Variants in DAPP1 observed in about 807,000 individuals in gnomAD.
DAPP1 encodes dual adapter for phosphotyrosine and 3-phosphotyrosine and 3-phosphoinositide.
DAPP1 carries 20 observed loss-of-function variants against 41.5 expected under a neutral mutation model. That is an observed-to-expected ratio of 0.48 (90% CI 0.34 to 0.70). The LOEUF is 0.70. DAPP1 is among the 30% of genes least tolerant of loss of function. The pLI, the probability that DAPP1 is intolerant of heterozygous loss-of-function variation, is 0.01. For missense variants in DAPP1, 233 were observed against 333.4 expected, an observed-to-expected ratio of 0.70 and a Z score of 2.35; for synonymous variants, 113 against 116.2, an observed-to-expected ratio of 0.97 and a Z score of 0.18.
intron 2 of DAPP1, among the ~76,000 whole-genome samples, chr4:99,838,103 G>A (rs1723363216): frequency 2.0e-5 from 3 of 152,118 alleles, no homozygotes; most frequent in African/African-American, 7.2e-5. Context: ...GGCTGGCAGG[G>A]GGATGGATGG....
chr4:99,855,047 A>G (rs2110160281), intron 4 of DAPP1, among the ~76,000 whole-genome samples: 1 of 152,350 alleles, frequency 6.6e-6, no homozygotes, highest in East Asian at 1.9e-4. Context: ...CTTTGTTAGA[A>G]GTGGGGGAGA....
chr4:99,825,959 A>G (rs1169899179), intron 1 of DAPP1, among the ~76,000 whole-genome samples: 1 of 152,230 alleles, frequency 6.6e-6, no homozygotes, highest in African/African-American at 2.4e-5. Context: ...TTCTAATGGC[A>G]TAGAGGGCCA....
chr4:99,839,814 C>A (rs1237999721), intron 2 of DAPP1, among the ~76,000 whole-genome samples: 2 of 152,206 alleles, frequency 1.3e-5, no homozygotes, highest in African/African-American at 4.8e-5. Context: ...GTAATCTCAA[C>A]ACTTTGGGAA....
At chr4:99,854,549 C>T (rs1220097790) in intron 4 of DAPP1, among the ~76,000 whole-genome samples, 1 of 152,186 alleles carries the variant, frequency 6.6e-6, no homozygotes, top group South Asian at 2.1e-4. Flanking sequence ...GCTTTACATC[C>T]TTTGGTGATG....
At chr4:99,853,373 A>T (rs1038860181) in intron 4 of DAPP1, 25 bp downstream of exon 4, 5 of 1,593,432 alleles carry the variant, frequency 3.1e-6, no homozygotes, top group Non-Finnish European at 4.3e-6. Flanking sequence ...ACGTGACCAC[A>T]AGCTCTCTCC....
downstream of DAPP1, among the ~76,000 whole-genome samples, chr4:99,871,190 GAGA>G (rs1159311660): frequency 6.6e-6 from 1 of 152,120 alleles, no homozygotes; most frequent in African/African-American, 2.4e-5. Flanking sequence ...CAGAAAGCAA[GAGA>G]ACTACTGTAA....
At chr4:99,860,283 G>T (rs1238293928) in intron 4 of DAPP1, among the ~76,000 whole-genome samples, 1 of 152,150 alleles carries the variant, frequency 6.6e-6, no homozygotes, top group Non-Finnish European at 1.5e-5. Flanking sequence ...TTTGGGTGGA[G>T]GTAAGATGGG....
intron 3 of DAPP1, among the ~76,000 whole-genome samples, chr4:99,842,852 C>CTT (rs1297681743): frequency 0.046 from 6,293 of 137,598 alleles, 209 homozygotes; most frequent in Middle Eastern, 0.12. Flanking sequence ...ATATTTCTTT[C>CTT]TTTTTTTTTT....
chr4:99,829,806 G>A (rs1326712827), intron 1 of DAPP1, among the ~76,000 whole-genome samples: 2 of 151,756 alleles, frequency 1.3e-5, no homozygotes, highest in East Asian at 3.9e-4. Flanking sequence ...TACATGAAGA[G>A]ACAATCAAAT....
chr4:99,817,138 A>AT (rs1258785514), intron 1 of DAPP1, 124 bp downstream of exon 1: 4 of 614,950 alleles, frequency 6.5e-6, no homozygotes, highest in South Asian at 5.0e-5. Context: ...TCAACCATTT[A>AT]TTTTTTTCCA....
intron 4 of DAPP1, among the ~76,000 whole-genome samples, chr4:99,855,805 C>T (rs1724025713): frequency 6.6e-6 from 1 of 152,176 alleles, no homozygotes. Flanking sequence ...CATGATGCTG[C>T]ACCTCCATCT....
chr4:99,858,334 A>G (rs1055451244), intron 4 of DAPP1, among the ~76,000 whole-genome samples: 1 of 152,120 alleles, frequency 6.6e-6, no homozygotes, highest in Admixed American at 6.5e-5. Context: ...TAGTTTCCCA[A>G]CTTTGGTTTA....
intron 3 of DAPP1, among the ~76,000 whole-genome samples, chr4:99,852,260 C>T (rs1723888960): frequency 6.6e-6 from 1 of 152,170 alleles, no homozygotes; most frequent in African/African-American, 2.4e-5. Context: ...GAATTCTTTA[C>T]ATCTCTTCCA....
At chr4:99,864,778 A>G (rs1721655608) in intron 7 of DAPP1, 1 of 152,188 alleles carries the variant, frequency 6.6e-6, no homozygotes, top group Non-Finnish European at 1.5e-5. Context: ...TGTAGGTCTC[A>G]TATTTTCAAC....
Position 99,869,658 on chromosome 4 carries a change from G to A in DAPP1, c.*1473G>A, listed in dbSNP as rs1201358322. Reference sequence around the variant, plus strand: ...AAGTAAGAAGTTACTGGCCAGGAGCGGCGGCTCATGCCTGTAATCCCAGGA... The same window carrying A: ...AAGTAAGAAGTTACTGGCCAGGAGCAGCGGCTCATGCCTGTAATCCCAGGA... On this transcript the variant is annotated 3_prime_UTR_variant, in exon 9 of 9. Transcript: ENST00000512369. 1.3e-5 allele frequency: 2 copies of A among 152,162 alleles called. No individual in the cohort carries two copies. Among genetic ancestry groups the A allele is most frequent in the African/African-American group, 4.8e-5 (2 of 41,442 alleles). 9.4% of individuals were successfully genotyped at this position (152,162 alleles called of 1,614,324 possible).
intron 1 of DAPP1, among the ~76,000 whole-genome samples, chr4:99,829,415 G>A (rs1723046113): frequency 2.0e-5 from 3 of 151,320 alleles, no homozygotes; most frequent in Admixed American, 2.0e-4. Flanking sequence ...GGGAGGTGGA[G>A]GTTGCAGTGA....
At chr4:99,859,438 A>G (rs982913417) in intron 4 of DAPP1, among the ~76,000 whole-genome samples, 1 of 152,162 alleles carries the variant, frequency 6.6e-6, no homozygotes, top group African/African-American at 2.4e-5. Context: ...AGAGCTGGGA[A>G]AATATGTATG....
At chr4:99,861,391 A>G (rs1457091650) in intron 4 of DAPP1, among the ~76,000 whole-genome samples, 187 bp from the exon 5 acceptor site, 2 of 152,244 alleles carry the variant, frequency 1.3e-5, no homozygotes, top group Non-Finnish European at 2.9e-5. Flanking sequence ...GAATGATGCC[A>G]GTAGATCCAG....
intron 1 of DAPP1, among the ~76,000 whole-genome samples, chr4:99,835,013 T>G (rs1256460017): frequency 2.7e-3 from 1 of 376 alleles, no homozygotes; most frequent in South Asian, 0.12. Context: ...AATGACCTCA[T>G]TTTTTTTTTT....
Sources: allele counts gnomAD v4.1 joint callset (sites outside exome capture counted in the v4.1 genomes callset), GRCh38; gene constraint gnomAD v4.1.1; transcripts MANE v1.5; gene names NCBI Gene and HGNC (gene_info 2026-07-23, HGNC 2026-07-21).